The following SLTM variants were observed in gnomAD, a reference collection of about 807,000 sequenced individuals.
The protein encoded by SLTM is SAFB like transcription modulator.
A neutral mutation model predicts 134.6 loss-of-function variants in SLTM; 43 were observed. The ratio of observed to expected loss-of-function variants is 0.32; its 90% CI spans 0.25 to 0.41. The LOEUF is 0.41. Among genes scored for constraint, SLTM ranks in the 10% least tolerant of loss-of-function variants. The pLI, the probability that SLTM is intolerant of heterozygous loss-of-function variation, is 1.00. For missense variants in SLTM, 1,055 were observed against 1,288.8 expected (o/e 0.82, Z 2.78); for synonymous variants, 424 against 432.3 (o/e 0.98, Z 0.24).
At chr15:58,882,120 G>C (rs2033766541) in intron 20 of SLTM, among the ~76,000 whole-genome samples, 1 of 136,864 alleles carries the variant, frequency 7.3e-6, no homozygotes, top group Non-Finnish European at 1.5e-5. Context: ...AGGAGGCAGA[G>C]GTTGCAGCGA....
intron 4 of SLTM, among the ~76,000 whole-genome samples, chr15:58,913,131 A>G (rs2036400563): frequency 6.6e-6 from 1 of 152,218 alleles, no homozygotes; most frequent in African/African-American, 2.4e-5. Context: ...AAATTGGTAC[A>G]TTCATTCATC....
At chr15:58,929,316 C>A (rs776015603) in intron 2 of SLTM, among the ~76,000 whole-genome samples, 1 of 151,968 alleles carries the variant, frequency 6.6e-6, no homozygotes, top group East Asian at 1.9e-4. Context: ...GGAGTGGTGG[C>A]GCATGCCTGT....
At chr15:58,913,785 G>T in intron 3 of SLTM, 89 bp from the exon 4 acceptor site, 1 of 900,034 alleles carries the variant, frequency 1.1e-6, no homozygotes, top group Non-Finnish European at 1.7e-6. Context: ...ACCTTTAAAT[G>T]TGTCAAATTT....
intron 2 of SLTM, among the ~76,000 whole-genome samples, chr15:58,931,550 C>A (rs528559326): frequency 2.0e-5 from 3 of 152,246 alleles, no homozygotes; most frequent in Non-Finnish European, 1.5e-5. Flanking sequence ...TAGGTAAAGA[C>A]CAGAATCCAG....
chr15:58,904,926 G>T (rs1215104030), intron 5 of SLTM, among the ~76,000 whole-genome samples: 3 of 152,016 alleles, frequency 2.0e-5, no homozygotes, highest in African/African-American at 7.3e-5. Flanking sequence ...GGCCAAGATG[G>T]TCTCTAACTC....
rs2036361040 is a variant in SLTM at position 58,912,627 on chromosome 15, A to G, written c.514-17T>C. 3 of 1,588,488 alleles carry G rather than the reference A, an allele frequency of 1.9e-6. No homozygotes were observed. The highest frequency in any genetic ancestry group is 3.5e-5 in the Admixed American group (2 of 57,144). ...TTCAATTTCCTAAGTAAAAGGGTAT[A>G]CAATAGCTTTGCTTTATAAAATATC... is the stretch of plus-strand genomic sequence containing the variant. On this transcript the variant is annotated splice_polypyrimidine_tract_variant and intron_variant, in intron 4 of 20. Coordinates refer to ENST00000380516, the MANE Select transcript of SLTM (RefSeq NM_024755.4).
chr15:58,905,919 T>C lies in SLTM; in HGVS notation c.562-4632A>G, dbSNP rs531747837. 3.0e-4 allele frequency among the ~76,000 whole-genome samples: 46 copies of C among 152,338 alleles called. 2 individuals carry two copies. In the South Asian group the frequency reaches 8.3e-3, roughly 27 times the overall value. On this transcript the variant is annotated intron_variant, in intron 5 of 20. Transcript: ENST00000380516. ...TTAAAGGCAAACTTTATGACATACA[T>C]TTATATGCCGGTAGGAAATGGTCTG...
At position 58,894,475 on chromosome 15, in the gene SLTM, A is replaced by G; in HGVS notation, c.1335T>C (p.Leu445=). The G allele has an allele frequency of 1.2e-6, 2 of 1,614,190 alleles. No homozygotes were observed. The highest frequency in any genetic ancestry group is 1.7e-6 in the Non-Finnish European group (2 of 1,180,022). Residue 445 remains leucine, a synonymous_variant, in exon 10 of 21, where the codon CTT becomes CTC. Coordinates refer to ENST00000380516, the MANE Select transcript of SLTM (RefSeq NM_024755.4). ...GCTGTCCATGCAGCTCAGTGCGATGAAGATGTGCAATACACCTGGACACCT... is the reference window on the plus strand; with the variant it reads ...GCTGTCCATGCAGCTCAGTGCGATGGAGATGTGCAATACACCTGGACACCT... ...STEVSRCIAH[L]HRTELHGQLI...
chr15:58,893,129 G>C, intron 13 of SLTM, 69 bp from the exon 14 acceptor site: 1 of 1,472,998 alleles, frequency 6.8e-7, no homozygotes. Flanking sequence ...AAGTTTAGTA[G>C]GTCATTTAAA....
intron 17 of SLTM, among the ~76,000 whole-genome samples, chr15:58,887,974 A>G (rs1327672428): frequency 6.6e-6 from 1 of 152,148 alleles, no homozygotes; most frequent in African/African-American, 2.4e-5. Context: ...AACATGGCAA[A>G]ACCCCGTCTC....
intron 20 of SLTM, among the ~76,000 whole-genome samples, chr15:58,882,162 A>G (rs1298807771): frequency 1.0e-5 from 1 of 97,864 alleles, no homozygotes; most frequent in Non-Finnish European, 2.2e-5. Context: ...TCCAGCCTGG[A>G]CAGAGCAAGA....
rs138916950 is a variant in SLTM, at chr15:58,905,173, T to G, written c.562-3886A>C. Among the ~76,000 whole-genome samples the G allele has an allele frequency of 5.9e-3, 903 of 152,340 alleles. 2 individuals carry two copies. The highest frequency in any genetic ancestry group is 0.01 in the Non-Finnish European group (683 of 68,034). ...AGAATGTCTTAATAAATTGTTTTAC[T>G]AGAATATTACTTTTAAGCATTATGT... is the stretch of plus-strand genomic sequence containing the variant. On this transcript the variant is annotated intron_variant, in intron 5 of 20. Transcript: ENST00000380516.
Position 58,890,215 on chromosome 15 carries a change from T to C in SLTM, c.2079+66A>G, listed in dbSNP as rs1156832319. 6 of 1,574,530 alleles carry C rather than the reference T, an allele frequency of 3.8e-6. No individual in the cohort carries two copies. In the East Asian group the frequency reaches 1.3e-4, roughly 35 times the overall value. On this transcript the variant is annotated intron_variant, in intron 15 of 20. Coordinates refer to ENST00000380516, the MANE Select transcript of SLTM (RefSeq NM_024755.4). ...GCTTTACAACAAGTAAAGCAAGTTTTAGGGCTAAAATCACAGAGTCTGAAA... is the reference window on the plus strand; with the variant it reads ...GCTTTACAACAAGTAAAGCAAGTTTCAGGGCTAAAATCACAGAGTCTGAAA...
chr15:58,920,827 C>T (rs28473013), intron 2 of SLTM, among the ~76,000 whole-genome samples: 30,397 of 149,704 alleles, frequency 0.2, 3,376 homozygotes, highest in South Asian at 0.44. Flanking sequence ...TGGTGATGGG[C>T]GCCTGTAATC....
At chr15:58,910,606 A>G (rs1262638232) in intron 5 of SLTM, among the ~76,000 whole-genome samples, 1 of 152,208 alleles carries the variant, frequency 6.6e-6, no homozygotes, top group South Asian at 2.1e-4. Flanking sequence ...ACAAAGTGCA[A>G]AACTATAGGA....
rs1391672200 is a variant in SLTM at position 58,933,628 on chromosome 15, A to C, written c.-63T>G. 6.9e-7 allele frequency: 1 copy of C among 1,445,494 alleles called. No individual in the cohort carries two copies. The allele number at this position is 1,445,494 out of a possible 1,614,324, so 89.5% of individuals were successfully genotyped here. A position where few individuals can be genotyped will look rare whatever the true frequency, so the allele number is the denominator to read the frequency against. On this transcript the variant is annotated 5_prime_UTR_variant, in exon 1 of 21. Transcript: ENST00000380516. ...CTGCAGGGCGGCGGCAGCAGCGCCAACTTCCACCCAGGCCTCGGCGGCCGC... is the reference window on the plus strand; with the variant it reads ...CTGCAGGGCGGCGGCAGCAGCGCCACCTTCCACCCAGGCCTCGGCGGCCGC...
intron 9 of SLTM, among the ~76,000 whole-genome samples, chr15:58,895,671 A>C (rs1330725036): frequency 6.6e-6 from 1 of 152,216 alleles, no homozygotes; most frequent in African/African-American, 2.4e-5. Context: ...TGGTATCCTC[A>C]TATAGTTTTA....
At chr15:58,917,942 T>TG (rs1296882756) in intron 2 of SLTM, among the ~76,000 whole-genome samples, 14 of 152,092 alleles carry the variant, frequency 9.2e-5, no homozygotes, top group African/African-American at 2.2e-4. Context: ...TAGAGACAGA[T>TG]GGAGTTTCAC....
intron 16 of SLTM, chr15:58,888,785 TGTC>T: frequency 2.6e-6 from 1 of 379,564 alleles, no homozygotes; most frequent in South Asian, 7.7e-5. Context: ...AAAAACTGCC[TGTC>T]TTTTCCATTA....
Sources: allele counts gnomAD v4.1 joint callset (sites outside exome capture counted in the v4.1 genomes callset), GRCh38; gene constraint gnomAD v4.1.1; transcripts MANE v1.5; gene names NCBI Gene and HGNC (gene_info 2026-07-23, HGNC 2026-07-21).